The following COL9A3 variants were observed in gnomAD, a reference collection of about 807,000 sequenced individuals.
The protein encoded by COL9A3 is collagen type IX alpha 3 chain.
In COL9A3, 82 loss-of-function variants were observed where a neutral mutation model predicts 110.2. That is an observed-to-expected ratio of 0.74 (90% CI 0.62 to 0.89). COL9A3 has a LOEUF of 0.89. Among genes scored for constraint, COL9A3 ranks in the 40% least tolerant of loss-of-function variants. The pLI is 0.00. For missense variants in COL9A3, 1,066 were observed against 981.3 expected, an observed-to-expected ratio of 1.09 and a Z score of -1.15; for synonymous variants, 494 against 403.8, an observed-to-expected ratio of 1.22 and a Z score of -2.68.
intron 8 of COL9A3, 77 bp downstream of exon 8, chr20:62,821,887 C>T (rs1830366057): frequency 2.4e-6 from 2 of 847,746 alleles, no homozygotes; most frequent in African/African-American, 3.3e-5. Flanking sequence ...CCAGGGGCTC[C>T]CTTCCCCTCT....
At chr20:62,837,809 T>C (rs1308091336) in intron 30 of COL9A3, among the ~76,000 whole-genome samples, 1 of 143,754 alleles carries the variant, frequency 7.0e-6, no homozygotes, top group Non-Finnish European at 1.5e-5. Context: ...TCCGTCTCCA[T>C]AAAAGAAAAA....
At chr20:62,828,033 G>C in intron 17 of COL9A3, 57 bp downstream of exon 17, 1 of 1,575,814 alleles carries the variant, frequency 6.3e-7, no homozygotes, top group South Asian at 1.1e-5. Context: ...GGTATGTACA[G>C]GTGGAGATGG....
intron 13 of COL9A3, 104 bp downstream of exon 13, chr20:62,825,974 G>A: frequency 7.4e-7 from 1 of 1,342,726 alleles, no homozygotes. Flanking sequence ...CGGCTGGGGG[G>A]TGTTTGGCCA....
intron 15 of COL9A3, 79 bp from the exon 16 acceptor site, chr20:62,827,162 G>A: frequency 1.4e-6 from 2 of 1,430,514 alleles, no homozygotes; most frequent in South Asian, 1.1e-5. Flanking sequence ...CCCCGCCCGG[G>A]CCTGGAGGGG....
rs913649253 is a variant in COL9A3, at chr20:62,817,913, CG to C, written c.147+282del. On this transcript the variant is annotated intron_variant, in intron 2 of 31. Transcript: ENST00000649368. ...CCTGAGGGGCCCGTGCCCCTGTGTT[CG>C]GGGTTCTGGCCTCTGGCTGAAGTGG... 5.4e-6 allele frequency: 3 copies of C among 558,312 alleles called. No individual in the cohort carries two copies. The African/African-American group carries it at 5.7e-5, about 11-fold the overall frequency. 34.6% of individuals were successfully genotyped at this position (558,312 alleles called of 1,614,324 possible). A position where few individuals can be genotyped will look rare whatever the true frequency, so the allele number is the denominator to read the frequency against.
rs780489761 is a variant in COL9A3, at chr20:62,837,229, G to A, written c.1750G>A (p.Gly584Ser). Residue 584 changes from glycine to serine, a missense_variant, in exon 30 of 32, where the codon GGT (glycine) becomes AGT (serine). Coordinates refer to ENST00000649368, the MANE Select transcript of COL9A3 (RefSeq NM_001853.4). ...CGCTCGAGGACCCCCTGGATACCGC[G>A]GTCCCACTGGGGAGCTGGGAGACCC... ...PGARGPPGYR[G>S]PTGELGDPGP... is the part of the protein sequence containing the mutation. 18 of 1,611,608 alleles carry A rather than the reference G, an allele frequency of 1.1e-5. No individual in the cohort carries two copies. The highest frequency in any genetic ancestry group is 2.2e-5 in the South Asian group (2 of 91,070).
At chr20:62,828,849 G>T in intron 18 of COL9A3, 32 bp downstream of exon 18, 13 of 1,612,636 alleles carry the variant, frequency 8.1e-6, no homozygotes, top group Non-Finnish European at 1.1e-5. Flanking sequence ...TGACGGGAGG[G>T]AGGGGGCTGG....
chr20:62,837,579 T>G (rs533818162), intron 30 of COL9A3, among the ~76,000 whole-genome samples: 4 of 146,058 alleles, frequency 2.7e-5, no homozygotes, highest in African/African-American at 1.1e-4. Context: ...GGGGCTGAGG[T>G]GGGCAGATCA....
At chr20:62,840,279 G>T (rs1179893503) in intron 31 of COL9A3, among the ~76,000 whole-genome samples, 2 of 151,602 alleles carry the variant, frequency 1.3e-5, no homozygotes, top group South Asian at 4.2e-4. Flanking sequence ...CCAAACCCGC[G>T]TAAGTCAGAG....
At position 62,836,297 on chromosome 20, in the gene COL9A3, G is replaced by T; in HGVS notation, c.1512G>T (p.Pro504=). Residue 504 remains proline (P), a synonymous_variant, in exon 28 of 32, where the codon CCG becomes CCT. Transcript: ENST00000649368. ...PPGPLGLQGV[P]GVPGITGKPG... Reference sequence around the variant, plus strand: ...GTCCTCTGGGCCTGCAGGGCGTCCCGGGTGTTCCTGGCATCACGGGGAAGC... The same window carrying T: ...GTCCTCTGGGCCTGCAGGGCGTCCCTGGTGTTCCTGGCATCACGGGGAAGC... 1 of 1,613,838 alleles carries T rather than the reference G, an allele frequency of 6.2e-7. No homozygotes were observed. The highest frequency in any genetic ancestry group is 1.1e-5 in the South Asian group (1 of 91,086).
chr20:62,828,821 G>A lies in COL9A3; in HGVS notation c.954+4G>A, dbSNP rs1432804764. ...GCCAGGACTCGATGGCCAGAAGGTT[G>A]GCATGGGGCTCAGGGTGTGACGGGA... On this transcript the variant is annotated splice_donor_region_variant and intron_variant, in intron 18 of 31. Coordinates refer to ENST00000649368, the MANE Select transcript of COL9A3 (RefSeq NM_001853.4). 6.2e-7 allele frequency: 1 copy of A among 1,613,032 alleles called. No homozygotes were observed. Among genetic ancestry groups the A allele is most frequent in the Non-Finnish European group, 8.5e-7 (1 of 1,180,010 alleles).
Position 62,836,332 on chromosome 20 carries a change from C to T in COL9A3, c.1547C>T (p.Pro516Leu), listed in dbSNP as rs201337557. The T allele has an allele frequency of 5.8e-5, 94 of 1,613,764 alleles. No individual in the cohort carries two copies. The highest frequency in any genetic ancestry group is 3.8e-4 in the East Asian group (17 of 44,890). ...GGCATCACGGGGAAGCCGGGAGTTCCGGTACGTCGCTTTTCCGGCTTTTCC... is the reference window on the plus strand; with the variant it reads ...GGCATCACGGGGAAGCCGGGAGTTCTGGTACGTCGCTTTTCCGGCTTTTCC... ...VPGITGKPGV[P>L]GKEASEQRIR... Residue 516 changes from proline to leucine, a missense_variant and splice_region_variant, in exon 28 of 32, where the codon CCG becomes CTG. Physicochemically the swap from Pro to Leu is moderately conservative, Grantham distance 98. Coordinates refer to ENST00000649368, the MANE Select transcript of COL9A3 (RefSeq NM_001853.4).
chr20:62,821,864 C>A, intron 8 of COL9A3, 54 bp downstream of exon 8: 1 of 995,210 alleles, frequency 1.0e-6, no homozygotes, highest in Non-Finnish European at 1.6e-6. Flanking sequence ...GCCTCCACCC[C>A]CAGACTCAAC....
intron 2 of COL9A3, among the ~76,000 whole-genome samples, chr20:62,818,282 C>T (rs1486812499): frequency 1.1e-4 from 16 of 152,218 alleles, no homozygotes; most frequent in Admixed American, 9.8e-4. Context: ...CTGCCCAGCT[C>T]GGCCTCAATG....
In COL9A3 at chr20:62,821,621, G is replaced by A. The variant is rs946262706; in HGVS notation, c.369+91G>A. 5.1e-6 allele frequency: 8 copies of A among 1,582,696 alleles called. 1 individual carries two copies. In the South Asian group the frequency reaches 8.9e-5, roughly 18 times the overall value. On this transcript the variant is annotated intron_variant, in intron 7 of 31. Transcript: ENST00000649368. Reference sequence around the variant, plus strand: ...ATGTCCCAAACCGTGCCTGGGGGTGGGGCTTCTCAGGGGCAGCCATCTGAC... The same window carrying A: ...ATGTCCCAAACCGTGCCTGGGGGTGAGGCTTCTCAGGGGCAGCCATCTGAC...
At chr20:62,821,967 C>A (rs2063516534) in intron 8 of COL9A3, 144 bp from the exon 9 acceptor site, 2 of 763,184 alleles carry the variant, frequency 2.6e-6, no homozygotes, top group African/African-American at 1.7e-5. Flanking sequence ...TGATCCAGAC[C>A]CGACCTCAGG....
At chr20:62,836,612 T>G in intron 29 of COL9A3, 80 bp downstream of exon 29, 1 of 1,417,852 alleles carries the variant, frequency 7.1e-7, no homozygotes. Context: ...ACAGAAAGCC[T>G]TCGTGCCACT....
chr20:62,837,393 C>G lies in COL9A3; in HGVS notation c.1786+128C>G, dbSNP rs1321179740. The G allele has an allele frequency of 3.1e-6, 3 of 982,054 alleles. No individual in the cohort carries two copies. In the African/African-American group the frequency reaches 4.8e-5, roughly 16 times the overall value. 60.8% of individuals were successfully genotyped at this position (982,054 alleles called of 1,614,324 possible). ...TAACCCCTGGAACGTGGGGGCCTCT[C>G]ATGTTTTGGGGCCTAGCGCAGTTAA... On this transcript the variant is annotated intron_variant, in intron 30 of 31. Transcript: ENST00000649368.
Position 62,825,813 on chromosome 20 carries a change from T to A in COL9A3, c.631-4T>A. 1 of 1,553,172 alleles carries A rather than the reference T, an allele frequency of 6.4e-7. No homozygotes were observed. Among genetic ancestry groups the A allele is most frequent in the South Asian group, 1.2e-5 (1 of 84,270 alleles). ...CGCTGACCACCCTATCCCCTCTGTT[T>A]CAGGGTGACCCTGGCCCCCCTGGGC... On this transcript the variant is annotated splice_region_variant and splice_polypyrimidine_tract_variant and intron_variant, in intron 12 of 31. Transcript: ENST00000649368.
Sources: gnomAD v4.1 joint callset for allele counts (sites outside exome capture counted in the v4.1 genomes callset) on GRCh38, gnomAD v4.1.1 for gene constraint, MANE v1.5 for transcripts, NCBI Gene and HGNC (gene_info 2026-07-23, HGNC 2026-07-21) for gene names.